The following DCAF13 variants were observed in gnomAD, a reference collection of about 807,000 sequenced individuals.
DCAF13 encodes DDB1 and CUL4 associated factor 13, also known as DDB1- and CUL4-associated factor 13.
In DCAF13, 38 loss-of-function variants were observed where a neutral mutation model predicts 59.0. That is an observed-to-expected ratio of 0.64 (90% CI 0.50 to 0.84). DCAF13 has a LOEUF of 0.84. DCAF13 is among the 40% of genes least tolerant of loss of function. The pLI is 0.00. For missense variants in DCAF13, 469 were observed against 558.4 expected, an observed-to-expected ratio of 0.84 and a Z score of 1.61; for synonymous variants, 173 against 175.0, an observed-to-expected ratio of 0.99 and a Z score of 0.09.
At chr8:103,415,643 A>T in intron 1 of DCAF13, 127 bp downstream of exon 1, 1 of 907,602 alleles carries the variant, frequency 1.1e-6, no homozygotes, top group Non-Finnish European at 1.6e-6. Context: ...ACCTTTCGCT[A>T]AGGCAAACTT....
intron 1 of DCAF13, among the ~76,000 whole-genome samples, chr8:103,417,237 G>T (rs764706100): frequency 6.0e-4 from 91 of 152,142 alleles, no homozygotes; most frequent in Non-Finnish European, 9.3e-4. Flanking sequence ...GCGAAAGTGA[G>T]TACTGCTTGA....
chr8:103,419,965 C>T (rs535697159), intron 1 of DCAF13, among the ~76,000 whole-genome samples: 3 of 150,136 alleles, frequency 2.0e-5, no homozygotes, highest in African/African-American at 4.9e-5. Context: ...GCCGAGATTG[C>T]GCCACTGCAC....
At chr8:103,416,104 C>T (rs1294632873) in intron 1 of DCAF13, among the ~76,000 whole-genome samples, 3 of 152,194 alleles carry the variant, frequency 2.0e-5, no homozygotes, top group Admixed American at 6.5e-5. Context: ...AGGGACCAAC[C>T]ATGCGTAAGC....
Position 103,441,623 on chromosome 8 carries a change from GT to G in DCAF13, c.1250+9del. 6.2e-7 allele frequency: 1 copy of G among 1,609,750 alleles called. No homozygotes were observed. Among genetic ancestry groups the G allele is most frequent in the Non-Finnish European group, 8.5e-7 (1 of 1,178,952 alleles). ...GAAAGAAGCTCGTCGACGAAAGTAT[GT>G]TTTGAGGCATTTGACTCTATTACCC... On this transcript the variant is annotated splice_donor_region_variant and intron_variant, in intron 10 of 10. Coordinates refer to ENST00000612750, the MANE Select transcript of DCAF13 (RefSeq NM_015420.7).
At chr8:103,439,635 A>T (rs1237993613) in intron 8 of DCAF13, 1 of 152,050 alleles carries the variant, frequency 6.6e-6, no homozygotes, top group East Asian at 1.9e-4. Flanking sequence ...AAACAATTTA[A>T]CCAAAACAAA....
rs3098216 is a variant in DCAF13 at position 103,440,125 on chromosome 8, G to A, written c.951-11G>A. On this transcript the variant is annotated splice_polypyrimidine_tract_variant and intron_variant, in intron 8 of 10. Coordinates refer to ENST00000612750, the MANE Select transcript of DCAF13 (RefSeq NM_015420.7). ...AATCCAAAGGGTTTTAACTTAATTC[G>A]TTTTCTATAGGGAGGTATATCATAC... 3.9e-4 allele frequency: 603 copies of A among 1,535,120 alleles called. 5 individuals carry two copies. In the East Asian group the frequency reaches 0.012, roughly 31 times the overall value.
chr8:103,417,022 G>C (rs1027694421), intron 1 of DCAF13, among the ~76,000 whole-genome samples: 1 of 152,132 alleles, frequency 6.6e-6, no homozygotes, highest in African/African-American at 2.4e-5. Context: ...TTAAATAAAC[G>C]TGGCCAATTA....
At chr8:103,424,307 G>A (rs548626855) in intron 3 of DCAF13, among the ~76,000 whole-genome samples, 2 of 152,294 alleles carry the variant, frequency 1.3e-5, no homozygotes, top group African/African-American at 2.4e-5. Flanking sequence ...GATTACAGGC[G>A]CGAGCCGCCA....
chr8:103,429,410 T>G (rs926088318), intron 5 of DCAF13: 1 of 152,218 alleles, frequency 6.6e-6, no homozygotes, highest in African/African-American at 2.4e-5. Context: ...GCCATGCAAC[T>G]ATTTAGTAAA....
intron 8 of DCAF13, among the ~76,000 whole-genome samples, chr8:103,439,130 A>G (rs1237676500): frequency 6.6e-6 from 1 of 151,466 alleles, no homozygotes; most frequent in African/African-American, 2.4e-5. Flanking sequence ...TCAGCCTCCC[A>G]AGTAGCTGGG....
At chr8:103,416,136 A>G (rs1040071995) in intron 1 of DCAF13, among the ~76,000 whole-genome samples, 13 of 152,244 alleles carry the variant, frequency 8.5e-5, no homozygotes, top group Non-Finnish European at 1.8e-4. Flanking sequence ...AATAAAGAGA[A>G]TAACAGGAGC....
chr8:103,415,880 C>T (rs534511323), intron 1 of DCAF13, among the ~76,000 whole-genome samples: 1 of 152,318 alleles, frequency 6.6e-6, no homozygotes, highest in Non-Finnish European at 1.5e-5. Context: ...CTTTTAAAAC[C>T]TTCCTACTGC....
chr8:103,442,768 C>T (rs759559334), intron 10 of DCAF13, 27 bp from the exon 11 acceptor site: 6 of 1,487,726 alleles, frequency 4.0e-6, no homozygotes, highest in Non-Finnish European at 5.4e-6. Context: ...CCATAACTTG[C>T]TTATATTTTG....
chr8:103,415,702 G>A lies in DCAF13; in HGVS notation c.70+186G>A, dbSNP rs73287945. 9.8e-4 allele frequency among the ~76,000 whole-genome samples: 150 copies of A among 152,328 alleles called. 1 individual carries two copies. The highest frequency in any genetic ancestry group is 3.2e-3 in the African/African-American group (135 of 41,572). On this transcript the variant is annotated intron_variant, in intron 1 of 10. Transcript: ENST00000612750. The stretch of plus-strand genomic sequence containing the variant: ...ACTGGATGGATAGCAAGTAAAGTCT[G>A]TTCAAGTCCTTTTTCTAAGAATTTC...
rs1320418334 is a variant in DCAF13, at chr8:103,420,354, T to C, written c.161T>C (p.Phe54Ser). 2 of 1,614,164 alleles carry C rather than the reference T, an allele frequency of 1.2e-6. No individual in the cohort carries two copies. Among genetic ancestry groups the C allele is most frequent in the African/African-American group, 1.3e-5 (1 of 75,036 alleles). Residue 54 changes from phenylalanine (F) to serine (S), a missense_variant, in exon 2 of 11, where the codon TTT (phenylalanine) becomes TCT (serine). Phe to Ser is a radical substitution (Grantham distance 155). Transcript: ENST00000612750. ...AATGCTACCAAACTGGAACGAGTAT[T>C]TGCAAAACCATTCCTTGCTTCGCTG... Reference protein sequence around the residue: ...ALNATKLERVFAKPFLASLDG... With the variant: ...ALNATKLERVSAKPFLASLDG...
rs375018347 is a variant in DCAF13, at chr8:103,441,464, C to T, written c.1096C>T (p.Arg366Ter). The stretch of plus-strand genomic sequence containing the variant: ...AAATGTGTATTTTCAGCTTACATCA[C>T]GAGAAAAAGCAGCCAAGGATTATAA... ...ASEKLGVLTS[R>*]EKAAKDYNQK... The change falls in exon 10 of 11, where the codon CGA becomes TGA. Residue 366 changes from arginine to a stop codon, truncating the protein, a stop_gained. Transcript: ENST00000612750. LOFTEE classifies it high-confidence loss of function. The T allele has an allele frequency of 6.3e-6, 10 of 1,583,890 alleles. No individual in the cohort carries two copies. Among genetic ancestry groups the T allele is most frequent in the African/African-American group, 2.8e-5 (2 of 72,318 alleles).
chr8:103,427,253 G>GTTTTTTTT lies in DCAF13; in HGVS notation c.624+2_624+3insTTTTTTTT. ...TAGTGTTAAATTTAACCCAATTGAGGTAATGTTTTTTTTTAAGTATGTTTT... is the reference window on the plus strand; with the variant it reads ...TAGTGTTAAATTTAACCCAATTGAGGTTTTTTTTTAATGTTTTTTTTTAAGTATGTTTT... On this transcript the variant is annotated splice_donor_variant, in intron 5 of 10. Transcript: ENST00000612750. LOFTEE classifies it high-confidence loss of function. The GTTTTTTTT allele has an allele frequency of 6.2e-7, 1 of 1,608,904 alleles. No homozygotes were observed. Among genetic ancestry groups the GTTTTTTTT allele is most frequent in the East Asian group, 2.2e-5 (1 of 44,746 alleles).
At position 103,427,267 on chromosome 8, in the gene DCAF13, T is replaced by A. The variant is rs867148055; in HGVS notation, c.624+15T>A. ...ACCCAATTGAGGTAATGTTTTTTTT[T>A]AAGTATGTTTTACTTATTATGGCTT... is the stretch of plus-strand genomic sequence containing the variant. On this transcript the variant is annotated intron_variant, in intron 5 of 10. Transcript: ENST00000612750. 1.5e-5 allele frequency: 24 copies of A among 1,600,154 alleles called. 1 individual carries two copies. In the Middle Eastern group the frequency reaches 5.0e-4, roughly 33 times the overall value.
At chr8:103,438,518 C>T (rs1297541570) in intron 8 of DCAF13, among the ~76,000 whole-genome samples, 1 of 151,038 alleles carries the variant, frequency 6.6e-6, no homozygotes, top group Admixed American at 6.6e-5. Flanking sequence ...CTTCTGGGCT[C>T]TAGTGATCCT....
Sources: allele counts gnomAD v4.1 joint callset (sites outside exome capture counted in the v4.1 genomes callset), GRCh38; gene constraint gnomAD v4.1.1; transcripts MANE v1.5; gene names NCBI Gene and HGNC (gene_info 2026-07-23, HGNC 2026-07-21).